PCDHGB5: variants seen among roughly 807,000 people sequenced by gnomAD.
PCDHGB5 encodes the protein protocadherin gamma subfamily B, 5.
PCDHGB5 carries 48 observed loss-of-function variants against 62.9 expected under a neutral mutation model. The ratio of observed to expected loss-of-function variants is 0.76; its 90% CI spans 0.61 to 0.97. PCDHGB5 has a LOEUF of 0.97. PCDHGB5 is among the 50% of genes least tolerant of loss of function. The pLI is 0.00. For synonymous variants in PCDHGB5, 474 were observed against 511.2 expected, an observed-to-expected ratio of 0.93 and a Z score of 0.98; for missense variants, 1,118 against 1,198.6, an observed-to-expected ratio of 0.93 and a Z score of 0.99.
chr5:141,427,983 C>G, intron 1 of PCDHGB5: 2 of 1,596,840 alleles, frequency 1.3e-6, no homozygotes, highest in South Asian at 2.2e-5. Context: ...CGCGCTGGGG[C>G]CCGATGGCTC....
chr5:141,477,224 G>C lies in PCDHGB5; in HGVS notation c.2398-17583G>C. 6.2e-7 allele frequency: 1 copy of C among 1,614,200 alleles called. No individual in the cohort carries two copies. The highest frequency in any genetic ancestry group is 8.5e-7 in the Non-Finnish European group (1 of 1,180,046). Reference sequence around the variant, plus strand: ...ACCCGAGGATGCCCCTCTGGGGACTGTCATCGCTTTGCTCAGTGTGACTGA... The same window carrying C: ...ACCCGAGGATGCCCCTCTGGGGACTCTCATCGCTTTGCTCAGTGTGACTGA... On this transcript the variant is annotated intron_variant, in intron 1 of 3. Transcript: ENST00000617380. The surrounding 1 kb of genome is among the most constrained non-coding windows in gnomAD (Gnocchi z 4.9).
intron 1 of PCDHGB5, chr5:141,421,183 A>G (rs1286755310): frequency 2.7e-6 from 4 of 1,457,360 alleles, no homozygotes; most frequent in Admixed American, 4.8e-5. Flanking sequence ...CCGATTCACA[A>G]CCAACCAGCT....
intron 1 of PCDHGB5, among the ~76,000 whole-genome samples, chr5:141,467,954 C>T (rs1467826790): frequency 1.3e-5 from 2 of 152,070 alleles, no homozygotes; most frequent in Admixed American, 6.6e-5. Flanking sequence ...CCACCACACC[C>T]GGCTGCCAGA....
intron 1 of PCDHGB5, chr5:141,403,838 G>C: frequency 6.2e-7 from 1 of 1,613,710 alleles, no homozygotes; most frequent in Non-Finnish European, 8.5e-7. Context: ...CCAGCTTAAT[G>C]AAAATACTGG....
At chr5:141,414,090 A>C (rs2095707874) in intron 1 of PCDHGB5, 4 of 1,598,352 alleles carry the variant, frequency 2.5e-6, no homozygotes, top group Non-Finnish European at 3.4e-6. Context: ...CTGGAGAAAT[A>C]AAAATATCAG....
chr5:141,476,553 A>G lies in PCDHGB5; in HGVS notation c.2398-18254A>G. On this transcript the variant is annotated intron_variant, in intron 1 of 3. Coordinates refer to ENST00000617380, the MANE Select transcript of PCDHGB5 (RefSeq NM_018925.3). The surrounding 1 kb of genome is among the most constrained non-coding windows in gnomAD (Gnocchi z 7.6). ...CAGGAAATGAAATTGGAGATTAGCG[A>G]GGCCGTGGCTCCGGGGACGCGCTTT... The G allele has an allele frequency of 1.2e-6, 2 of 1,614,226 alleles. No homozygotes were observed. The highest frequency in any genetic ancestry group is 1.7e-6 in the Non-Finnish European group (2 of 1,180,040).
chr5:141,478,101 T>G, intron 1 of PCDHGB5: 1 of 1,614,018 alleles, frequency 6.2e-7, no homozygotes, highest in Middle Eastern at 1.6e-4. Flanking sequence ...ACTGCTACCC[T>G]CACTGTGTCA....
In PCDHGB5 at chr5:141,486,440, A is replaced by G; in HGVS notation, c.2398-8367A>G. 6.2e-7 allele frequency: 1 copy of G among 1,614,114 alleles called. No individual in the cohort carries two copies. The highest frequency in any genetic ancestry group is 8.5e-7 in the Non-Finnish European group (1 of 1,179,936). On this transcript the variant is annotated intron_variant, in intron 1 of 3. Coordinates refer to ENST00000617380, the MANE Select transcript of PCDHGB5 (RefSeq NM_018925.3). This position sits in a 1 kb window ranked among gnomAD's most constrained non-coding sequence, Gnocchi z 5.0. ...TCGAGAGGCCAAATCTAGCTATGACATCATGGTCACTGCTTCTGATGCTGG... is the reference window on the plus strand; with the variant it reads ...TCGAGAGGCCAAATCTAGCTATGACGTCATGGTCACTGCTTCTGATGCTGG...
In PCDHGB5 at chr5:141,431,501, C is replaced by G; in HGVS notation, c.2397+30977C>G. On this transcript the variant is annotated intron_variant, in intron 1 of 3. Coordinates refer to ENST00000617380, the MANE Select transcript of PCDHGB5 (RefSeq NM_018925.3). This position sits in a 1 kb window ranked among gnomAD's most constrained non-coding sequence, Gnocchi z 4.8. ...ACCAGCGTTTGCTCAGCCCGAGTAC[C>G]GCGCGAGCGTTCCGGAGAATCTGGC... is the stretch of plus-strand genomic sequence containing the variant. 1 of 1,614,010 alleles carries G rather than the reference C, an allele frequency of 6.2e-7. No homozygotes were observed. The highest frequency in any genetic ancestry group is 8.5e-7 in the Non-Finnish European group (1 of 1,180,034).
rs1405589878 is a variant in PCDHGB5 at position 141,504,323 on chromosome 5, T to A, written c.2457-1070T>A. On this transcript the variant is annotated intron_variant, in intron 2 of 3. Transcript: ENST00000617380. ...CACTCGGAGTTTCTAAAAGTCTCAC[T>A]TAGGTCCAAGTGCTAGGCTTTGTGC... Among the ~76,000 whole-genome samples, 4 of 152,114 alleles carry A rather than the reference T, an allele frequency of 2.6e-5. No individual in the cohort carries two copies. In the East Asian group the frequency reaches 7.7e-4, roughly 29 times the overall value.
rs1244735686 is a variant in PCDHGB5 at position 141,432,142 on chromosome 5, C to A, written c.2397+31618C>A. 1 of 1,614,098 alleles carries A rather than the reference C, an allele frequency of 6.2e-7. No homozygotes were observed. The highest frequency in any genetic ancestry group is 1.1e-5 in the South Asian group (1 of 91,066). On this transcript the variant is annotated intron_variant, in intron 1 of 3. Transcript: ENST00000617380. This position sits in a 1 kb window ranked among gnomAD's most constrained non-coding sequence, Gnocchi z 6.0. ...CTCAGGCCTCCTATTCCGCTTATAT[C>A]CCAGAGAACAATCCCAGAGGAGTTT...
intron 1 of PCDHGB5, among the ~76,000 whole-genome samples, chr5:141,474,862 T>C (rs1281140736): frequency 6.6e-6 from 1 of 152,264 alleles, no homozygotes; most frequent in Non-Finnish European, 1.5e-5. Context: ...CTTCATTTAA[T>C]AGGATAGGAG....
At chr5:141,443,088 T>G (rs188899890) in intron 1 of PCDHGB5, among the ~76,000 whole-genome samples, 1 of 151,974 alleles carries the variant, frequency 6.6e-6, no homozygotes, top group African/African-American at 2.4e-5. Context: ...TGTTCCAGTC[T>G]CCTTCTCAAG....
intron 1 of PCDHGB5, chr5:141,408,899 A>G (rs1379621758): frequency 1.2e-6 from 2 of 1,613,316 alleles, no homozygotes; most frequent in Non-Finnish European, 8.5e-7. Context: ...AATTTCTGTC[A>G]AGGATACCAA....
intron 2 of PCDHGB5, among the ~76,000 whole-genome samples, chr5:141,498,971 G>GGAA (rs2099787559): frequency 9.0e-6 from 1 of 110,972 alleles, no homozygotes; most frequent in African/African-American, 3.6e-5. Flanking sequence ...GAGGGAGGGA[G>GGAA]GGAAGGAAGG....
Position 141,485,992 on chromosome 5 carries a change from C to T in PCDHGB5, c.2398-8815C>T. The T allele has an allele frequency of 6.2e-7, 1 of 1,614,156 alleles. No individual in the cohort carries two copies. The highest frequency in any genetic ancestry group is 2.2e-5 in the East Asian group (1 of 44,870). On this transcript the variant is annotated intron_variant, in intron 1 of 3. Coordinates refer to ENST00000617380, the MANE Select transcript of PCDHGB5 (RefSeq NM_018925.3). The surrounding 1 kb of genome is among the most constrained non-coding windows in gnomAD (Gnocchi z 5.7). ...ATGCCTCAGACCCGGACCTGGGTCC[C>T]AGTGGTAACGTCACCTTTTATTTCA...
At chr5:141,462,786 T>G (rs1394476968) in intron 1 of PCDHGB5, among the ~76,000 whole-genome samples, 1 of 152,216 alleles carries the variant, frequency 6.6e-6, no homozygotes, top group Admixed American at 6.5e-5. Flanking sequence ...AATTTGTTGC[T>G]TATTTGCATG....
rs370127569 is a variant in PCDHGB5 at position 141,422,859 on chromosome 5, C to T, written c.2397+22335C>T. 1.4e-5 allele frequency: 22 copies of T among 1,614,148 alleles called. No homozygotes were observed. In the African/African-American group the frequency reaches 2.5e-4, roughly 19 times the overall value. ...GTGACAGCGGGGACCCGCCCCTCAG[C>T]AGCAACGTGTCGCTGAGCCTGTTCG... On this transcript the variant is annotated intron_variant, in intron 1 of 3. Transcript: ENST00000617380.
intron 1 of PCDHGB5, among the ~76,000 whole-genome samples, chr5:141,462,903 T>A (rs1455334521): frequency 6.6e-6 from 1 of 152,208 alleles, no homozygotes; most frequent in Non-Finnish European, 1.5e-5. Context: ...GGAAGGCTAT[T>A]ATGTTTTTTG....
Sources: allele counts gnomAD v4.1 joint callset (sites outside exome capture counted in the v4.1 genomes callset), GRCh38; gene constraint gnomAD v4.1.1; non-coding constraint Gnocchi (gnomAD v3.1); transcripts MANE v1.5; gene names NCBI Gene and HGNC (gene_info 2026-07-23, HGNC 2026-07-21).